COMMD10: variants seen among roughly 807,000 people sequenced by gnomAD.
COMMD10 encodes COMM domain containing 10, also known as COMM domain-containing protein 10.
COMMD10 carries 33 observed loss-of-function variants against 28.9 expected under a neutral mutation model. The observed-to-expected ratio is 1.14, with a 90% CI of 0.87 to 1.53. The LOEUF (loss-of-function observed/expected upper bound fraction) is 1.53. COMMD10 is among the 40% of genes most tolerant of loss of function. COMMD10 has a pLI of 0.00. For missense variants in COMMD10, 310 were observed against 233.4 expected, an observed-to-expected ratio of 1.33 and a Z score of -2.14; for synonymous variants, 110 against 81.7, an observed-to-expected ratio of 1.35 and a Z score of -1.87.
At chr5:116,129,762 A>G (rs1331093186) in intron 4 of COMMD10, among the ~76,000 whole-genome samples, 1 of 116,510 alleles carries the variant, frequency 8.6e-6, no homozygotes, top group Non-Finnish European at 1.9e-5. Flanking sequence ...TATACTATAT[A>G]CTATATAATA....
chr5:116,164,681 C>T (rs1389424237), intron 5 of COMMD10, among the ~76,000 whole-genome samples: 1 of 152,166 alleles, frequency 6.6e-6, no homozygotes, highest in Non-Finnish European at 1.5e-5. Flanking sequence ...TGGATTACTT[C>T]ATGTATTTAC....
intron 5 of COMMD10, among the ~76,000 whole-genome samples, chr5:116,278,743 G>C (rs532680030): frequency 6.6e-6 from 1 of 151,790 alleles, no homozygotes; most frequent in African/African-American, 2.4e-5. Flanking sequence ...AAACACAAAA[G>C]CATTTGCCTT....
rs576177809 is a variant in COMMD10 at position 116,142,521 on chromosome 5, G to A, written c.510+8343G>A. Among the ~76,000 whole-genome samples the A allele has an allele frequency of 2.0e-5, 3 of 151,794 alleles. No individual in the cohort carries two copies. The South Asian group carries it at 6.2e-4, about 32-fold the overall frequency. On this transcript the variant is annotated intron_variant, in intron 5 of 6. Transcript: ENST00000274458. ...AAACATCTTATTTAGTTTGATAAAT[G>A]GCTTTCTGAAATCATTTTGGGGAAT... is the stretch of plus-strand genomic sequence containing the variant.
rs532590783 is a variant in COMMD10, at chr5:116,242,876, CA to C, written c.511-48635del. 2.7e-3 allele frequency among the ~76,000 whole-genome samples: 403 copies of C among 151,862 alleles called. 2 individuals carry two copies. Among genetic ancestry groups the C allele is most frequent in the African/African-American group, 9.2e-3 (381 of 41,426 alleles). On this transcript the variant is annotated intron_variant, in intron 5 of 6. Transcript: ENST00000274458. ...TAAATAATAATCGTTGGATAGGCTT[CA>C]AAAAAGAAATGCATTTGAGATGGAC...
chr5:116,158,948 A>G (rs1053271140), intron 5 of COMMD10, among the ~76,000 whole-genome samples: 4 of 151,894 alleles, frequency 2.6e-5, no homozygotes, highest in Admixed American at 2.6e-4. Flanking sequence ...GTCTTGTCAC[A>G]GGGACTAGAG....
intron 5 of COMMD10, among the ~76,000 whole-genome samples, chr5:116,253,135 T>C (rs1470559112): frequency 3.1e-4 from 29 of 93,678 alleles, no homozygotes; most frequent in South Asian, 2.6e-3. Context: ...GTGATTTTTG[T>C]ACATTGATTT....
chr5:116,163,461 A>G (rs993898182), intron 5 of COMMD10, among the ~76,000 whole-genome samples: 27 of 144,306 alleles, frequency 1.9e-4, no homozygotes, highest in African/African-American at 7.3e-4. Context: ...TTGGTGGCGG[A>G]TGCCTGTAAT....
At chr5:116,130,143 C>T (rs1751817485) in intron 4 of COMMD10, among the ~76,000 whole-genome samples, 1 of 151,712 alleles carries the variant, frequency 6.6e-6, no homozygotes, top group African/African-American at 2.4e-5. Flanking sequence ...AAATTACTTT[C>T]CTTGTGCATA....
chr5:116,267,128 A>C (rs370243044), intron 5 of COMMD10, among the ~76,000 whole-genome samples: 4 of 151,906 alleles, frequency 2.6e-5, no homozygotes, highest in Non-Finnish European at 5.9e-5. Flanking sequence ...AATAAAGGGT[A>C]GTCAATTAGG....
At chr5:116,161,641 TAAGA>T (rs1317054594) in intron 5 of COMMD10, among the ~76,000 whole-genome samples, 1 of 152,148 alleles carries the variant, frequency 6.6e-6, no homozygotes, top group African/African-American at 2.4e-5. Context: ...AAAATGTTAT[TAAGA>T]AAATCATAAG....
chr5:116,164,577 ACTGT>A (rs1230656348), intron 5 of COMMD10, among the ~76,000 whole-genome samples: 16 of 152,178 alleles, frequency 1.1e-4, no homozygotes, highest in Middle Eastern at 3.2e-3. Context: ...TATTTTAGTA[ACTGT>A]CTATTTTCAG....
At chr5:116,109,974 T>G (rs1750989869) in intron 4 of COMMD10, among the ~76,000 whole-genome samples, 1 of 152,206 alleles carries the variant, frequency 6.6e-6, no homozygotes, top group African/African-American at 2.4e-5. Flanking sequence ...TGTTTTTAAC[T>G]TTTCCCTGTT....
At chr5:116,140,229 CTATGTG>C (rs1346367440) in intron 5 of COMMD10, among the ~76,000 whole-genome samples, 1 of 122,240 alleles carries the variant, frequency 8.2e-6, no homozygotes, top group South Asian at 2.3e-4. Context: ...ACTCATACTA[CTATGTG>C]TGTGTGTGTG....
intron 5 of COMMD10, among the ~76,000 whole-genome samples, chr5:116,136,849 A>C (rs2112776556): frequency 6.6e-6 from 1 of 152,296 alleles, no homozygotes; most frequent in South Asian, 2.1e-4. Context: ...GAAGAGGAGA[A>C]GCACACATAC....
intron 5 of COMMD10, among the ~76,000 whole-genome samples, chr5:116,259,266 T>A (rs1005760606): frequency 5.9e-5 from 9 of 151,538 alleles, no homozygotes; most frequent in African/African-American, 2.2e-4. Context: ...TCTCACCATG[T>A]TGGCCAGGCT....
chr5:116,198,221 C>CT (rs1662322144), intron 5 of COMMD10, among the ~76,000 whole-genome samples: 1 of 151,846 alleles, frequency 6.6e-6, no homozygotes, highest in Non-Finnish European at 1.5e-5. Flanking sequence ...TTTTGTATGC[C>CT]TTTTATAGGT....
chr5:116,182,865 T>A (rs1748017225), intron 5 of COMMD10, among the ~76,000 whole-genome samples: 1 of 152,006 alleles, frequency 6.6e-6, no homozygotes, highest in Non-Finnish European at 1.5e-5. Context: ...GGGGGCAGTT[T>A]CCCCCATGCT....
At chr5:116,270,435 CTT>C (rs1750723105) in intron 5 of COMMD10, among the ~76,000 whole-genome samples, 1 of 151,798 alleles carries the variant, frequency 6.6e-6, no homozygotes, top group Admixed American at 6.6e-5. Flanking sequence ...TATTGACTGT[CTT>C]TTGTAGAGAG....
At chr5:116,246,257 C>A (rs916185406) in intron 5 of COMMD10, among the ~76,000 whole-genome samples, 1 of 151,994 alleles carries the variant, frequency 6.6e-6, no homozygotes, top group Non-Finnish European at 1.5e-5. Flanking sequence ...GAATAAAATA[C>A]CTAAGAATAC....
Sources: allele counts gnomAD v4.1 joint callset (sites outside exome capture counted in the v4.1 genomes callset), GRCh38; gene constraint gnomAD v4.1.1; transcripts MANE v1.5; gene names NCBI Gene and HGNC (gene_info 2026-07-23, HGNC 2026-07-21).